The following LAMA2 variants were observed in gnomAD, a reference collection of about 807,000 sequenced individuals.
The protein encoded by LAMA2 is laminin subunit alpha 2.
A neutral mutation model predicts 364.8 loss-of-function variants in LAMA2; 269 were observed. The ratio of observed to expected loss-of-function variants is 0.74; its 90% CI spans 0.67 to 0.82. The LOEUF (loss-of-function observed/expected upper bound fraction) is 0.82. LAMA2 is among the 40% of genes least tolerant of loss of function. LAMA2 has a pLI of 0.00. For missense variants in LAMA2, 3,807 were observed against 3,873.2 expected (o/e 0.98, Z 0.45); for synonymous variants, 1,379 against 1,370.6 (o/e 1.01, Z -0.14).
intron 51 of LAMA2, among the ~76,000 whole-genome samples, chr6:129,466,175 T>C (rs991306564): frequency 6.6e-6 from 1 of 151,966 alleles, no homozygotes; most frequent in Non-Finnish European, 1.5e-5. Context: ...AATGAAGTTC[T>C]AAGTTCTTGC....
chr6:128,910,636 T>C lies in LAMA2; in HGVS notation c.112+27279T>C, dbSNP rs571743791. The stretch of plus-strand genomic sequence containing the variant: ...TCATCTGAAGCCTTCTTCTCTCAGC[T>C]CGTCAAAGTCGTTCTCCGTCTAGCT... On this transcript the variant is annotated intron_variant, in intron 1 of 64. Transcript: ENST00000421865. Among the ~76,000 whole-genome samples, 4 of 152,368 alleles carry C rather than the reference T, an allele frequency of 2.6e-5. No homozygotes were observed. The South Asian group carries it at 6.2e-4, about 24-fold the overall frequency.
chr6:129,415,106 T>C (rs1780715749), intron 40 of LAMA2, among the ~76,000 whole-genome samples: 1 of 152,234 alleles, frequency 6.6e-6, no homozygotes, highest in African/African-American at 2.4e-5. Flanking sequence ...CTCTTTAAGA[T>C]GAAGCTATTT....
chr6:129,390,193 T>C (rs753901759), intron 35 of LAMA2, among the ~76,000 whole-genome samples: 1 of 152,194 alleles, frequency 6.6e-6, no homozygotes, highest in Non-Finnish European at 1.5e-5. Context: ...TCAGAAGCTC[T>C]GAGAAGGCTT....
chr6:129,348,475 G>A lies in LAMA2; in HGVS notation c.4437-823G>A, dbSNP rs181354633. On this transcript the variant is annotated intron_variant, in intron 30 of 64. Coordinates refer to ENST00000421865, the MANE Select transcript of LAMA2 (RefSeq NM_000426.4). ...AATGCATCATTCAGTTTTATCTAACGGGAATGCAGCTGAGAGAAGTTTGTA... is the reference window on the plus strand; with the variant it reads ...AATGCATCATTCAGTTTTATCTAACAGGAATGCAGCTGAGAGAAGTTTGTA... 6.6e-5 allele frequency among the ~76,000 whole-genome samples: 10 copies of A among 151,980 alleles called. No individual in the cohort carries two copies. The East Asian group carries it at 7.7e-4, about 12-fold the overall frequency.
chr6:128,986,859 AG>A (rs2114650646), intron 1 of LAMA2, among the ~76,000 whole-genome samples: 1 of 152,268 alleles, frequency 6.6e-6, no homozygotes, highest in Admixed American at 6.5e-5. Flanking sequence ...ACTTTTACAT[AG>A]TTTCAAGGTC....
chr6:129,297,185 T>C (rs1185438907), intron 20 of LAMA2, among the ~76,000 whole-genome samples: 2 of 152,198 alleles, frequency 1.3e-5, no homozygotes, highest in Admixed American at 1.3e-4. Flanking sequence ...ATTAAAAGTA[T>C]TTATGGATAT....
At chr6:128,908,424 G>C (rs1777647860) in intron 1 of LAMA2, among the ~76,000 whole-genome samples, 1 of 149,964 alleles carries the variant, frequency 6.7e-6, no homozygotes, top group South Asian at 2.1e-4. Context: ...TATTTGCGTA[G>C]AGGTGTTTAT....
Position 129,377,895 on chromosome 6 carries a change from G to A in LAMA2, c.4960-5227G>A, listed in dbSNP as rs9492316. 4.2e-3 allele frequency among the ~76,000 whole-genome samples: 641 copies of A among 152,032 alleles called. 4 individuals carry two copies. The highest frequency in any genetic ancestry group is 0.015 in the African/African-American group (610 of 41,466). On this transcript the variant is annotated intron_variant, in intron 34 of 64. Coordinates refer to ENST00000421865, the MANE Select transcript of LAMA2 (RefSeq NM_000426.4). ...CTACATTGTTCAGAAGTAAATTAAC[G>A]TGTGCCTAATGGTAATGCATGCTGC...
rs1393189290 is a variant in LAMA2, at chr6:129,270,648, C to T, written c.2347C>T (p.Pro783Ser). 1 of 1,612,926 alleles carries T rather than the reference C, an allele frequency of 6.2e-7. No individual in the cohort carries two copies. The highest frequency in any genetic ancestry group is 1.7e-5 in the Admixed American group (1 of 59,850). ...GAACTGTAAGGATCACACAGGTGGC[C>T]CATATTGTGATAAATGTCTTCCTGG... ...CLNCKDHTGG[P>S]YCDKCLPGFY... The change falls in exon 17 of 65, where the codon CCA (proline) becomes TCA (serine). Residue 783 changes from proline to serine, a missense_variant. Physicochemically the swap from Pro to Ser is moderately conservative, Grantham distance 74 (BLOSUM62 -1). Around this residue, in one of 3 missense-constraint regions of LAMA2, gnomAD observed 3,333 missense variants for 3,345.7 expected, o/e 1.00. Transcript: ENST00000421865.
intron 1 of LAMA2, among the ~76,000 whole-genome samples, chr6:129,044,859 A>G (rs1787362771): frequency 6.6e-6 from 1 of 152,136 alleles, no homozygotes; most frequent in Admixed American, 6.6e-5. Flanking sequence ...ATTTATAGTT[A>G]ATTTACACTC....
intron 1 of LAMA2, among the ~76,000 whole-genome samples, chr6:129,037,771 G>A (rs905213701): frequency 6.0e-5 from 9 of 150,872 alleles, no homozygotes; most frequent in East Asian, 5.9e-4. Context: ...CCAGGTTCAC[G>A]CCATTCTCCC....
At chr6:129,042,154 A>T (rs547492390) in intron 1 of LAMA2, among the ~76,000 whole-genome samples, 3 of 151,876 alleles carry the variant, frequency 2.0e-5, no homozygotes, top group African/African-American at 7.2e-5. Context: ...AAAATACAAA[A>T]ATTAGCTGGG....
Position 129,516,423 on chromosome 6 carries a change from A to C in LAMA2, c.*76A>C, listed in dbSNP as rs1331596292. ...TAAAACAAACAAATATATTTTACCT[A>C]TATATGTTAATTAAACTAATTTGTG... is the stretch of plus-strand genomic sequence containing the variant. On this transcript the variant is annotated 3_prime_UTR_variant, in exon 65 of 65. Coordinates refer to ENST00000421865, the MANE Select transcript of LAMA2 (RefSeq NM_000426.4). 40 of 1,400,618 alleles carry C rather than the reference A, an allele frequency of 2.9e-5. No individual in the cohort carries two copies. The highest frequency in any genetic ancestry group is 3.4e-5 in the Non-Finnish European group (34 of 1,007,546). 86.8% of individuals were successfully genotyped at this position (1,400,618 alleles called of 1,614,324 possible). A position where few individuals can be genotyped will look rare whatever the true frequency, so the allele number is the denominator to read the frequency against.
At chr6:129,216,253 T>G (rs1198368653) in intron 12 of LAMA2, among the ~76,000 whole-genome samples, 3 of 152,206 alleles carry the variant, frequency 2.0e-5, no homozygotes, top group African/African-American at 7.2e-5. Flanking sequence ...CTTTTGTTTT[T>G]ATGTCAGTTT....
At position 129,315,885 on chromosome 6, in the gene LAMA2, A is replaced by T; in HGVS notation, c.3859A>T (p.Ile1287Phe). ...RGGTPTHARI[I>F]VRHMAAPLIG... ...TGGGACACCTACTCATGCTAGAATT[A>T]TCGTCAGGCATATGGCTGCTCCTCT... The change falls in exon 26 of 65, where the codon ATC (isoleucine) becomes TTC (phenylalanine). Residue 1287 changes from isoleucine to phenylalanine, a missense_variant. Coordinates refer to ENST00000421865, the MANE Select transcript of LAMA2 (RefSeq NM_000426.4). 6.2e-7 allele frequency: 1 copy of T among 1,614,148 alleles called. No homozygotes were observed. Among genetic ancestry groups the T allele is most frequent in the South Asian group, 1.1e-5 (1 of 91,074 alleles).
rs1785999342 is a variant in LAMA2 at position 129,028,557 on chromosome 6, C to T, written c.113-21361C>T. Among the ~76,000 whole-genome samples the T allele has an allele frequency of 2.6e-5, 4 of 151,720 alleles. No individual in the cohort carries two copies. The South Asian group carries it at 8.3e-4, about 31-fold the overall frequency. On this transcript the variant is annotated intron_variant, in intron 1 of 64. Transcript: ENST00000421865. ...ATATCTCATAAAAGTAATAATCTAC[C>T]AGGCATGTTTGTTGTAGCCAAGCAA... is the stretch of plus-strand genomic sequence containing the variant.
At chr6:129,016,798 T>C (rs1365408311) in intron 1 of LAMA2, among the ~76,000 whole-genome samples, 6 of 151,808 alleles carry the variant, frequency 4.0e-5, no homozygotes, top group East Asian at 1.9e-4. Flanking sequence ...TGATCATACA[T>C]TGAGGTTTTT....
intron 8 of LAMA2, among the ~76,000 whole-genome samples, chr6:129,162,799 T>C (rs1456287496): frequency 1.3e-5 from 2 of 152,042 alleles, no homozygotes; most frequent in African/African-American, 2.4e-5. Context: ...TCATGGCCTA[T>C]ATTTGTATGA....
chr6:129,251,076 C>A (rs1842066), intron 13 of LAMA2, among the ~76,000 whole-genome samples: 1,316 of 49,766 alleles, frequency 0.026, 40 homozygotes, highest in African/African-American at 0.052. Flanking sequence ...CTCTCTCTCT[C>A]TATATATATA....
Sources: allele counts gnomAD v4.1 joint callset (sites outside exome capture counted in the v4.1 genomes callset), GRCh38; gene constraint gnomAD v4.1.1; regional missense constraint gnomAD v4.1.1; transcripts MANE v1.5; gene names NCBI Gene and HGNC (gene_info 2026-07-23, HGNC 2026-07-21).